The following KIAA0930 variants were observed in gnomAD, a reference collection of about 807,000 sequenced individuals.
KIAA0930 encodes KIAA0930.
KIAA0930 carries 24 observed loss-of-function variants against 43.9 expected under a neutral mutation model. The ratio of observed to expected loss-of-function variants is 0.55; its 90% CI spans 0.40 to 0.77. The LOEUF (loss-of-function observed/expected upper bound fraction) is 0.77, where lower values mean the gene tolerates loss of function less well. Among genes scored for constraint, KIAA0930 ranks in the 30% least tolerant of loss-of-function variants. The pLI is 0.00. For synonymous variants in KIAA0930, 259 were observed against 216.4 expected, an observed-to-expected ratio of 1.20 and a Z score of -1.73; for missense variants, 461 against 574.2, an observed-to-expected ratio of 0.80 and a Z score of 2.02.
chr22:45,236,228 G>A (rs11704685), intron 1 of KIAA0930: 55,118 of 152,302 alleles, frequency 0.36, 12,145 homozygotes, highest in South Asian at 0.5. Flanking sequence ...AAGGAAACGC[G>A]GCAGGTGTTA....
chr22:45,212,071 C>G lies in KIAA0930; in HGVS notation c.101G>C (p.Trp34Ser). ...CTCCATGAAGTAGGTGGAGAACATC[C>G]AAGTCCAGAAGACGATGCGGTCATC... ...FKDDRIVFWT[W>S]MFSTYFMEKW... The change falls in exon 2 of 10, where the codon TGG (tryptophan) becomes TCG (serine). Residue 34 changes from tryptophan (W) to serine (S), a missense_variant. Trp to Ser is a radical substitution (Grantham distance 177). Transcript: ENST00000336156. 1 of 1,613,940 alleles carries G rather than the reference C, an allele frequency of 6.2e-7. No individual in the cohort carries two copies. Among genetic ancestry groups the G allele is most frequent in the Admixed American group, 1.7e-5 (1 of 60,024 alleles).
chr22:45,224,684 G>T (rs1292943030), intron 1 of KIAA0930, among the ~76,000 whole-genome samples: 1 of 152,200 alleles, frequency 6.6e-6, no homozygotes, highest in African/African-American at 2.4e-5. Flanking sequence ...AGAAGGTGGT[G>T]GCTGGACAGG....
intron 2 of KIAA0930, among the ~76,000 whole-genome samples, chr22:45,209,978 C>T (rs1248034501): frequency 6.6e-6 from 1 of 152,176 alleles, no homozygotes; most frequent in Non-Finnish European, 1.5e-5. Flanking sequence ...TTCTGCTCCA[C>T]CCAAGATGGA....
At chr22:45,209,967 C>T (rs2280982) in intron 2 of KIAA0930, among the ~76,000 whole-genome samples, 40,182 of 151,964 alleles carry the variant, frequency 0.26, 5,769 homozygotes, top group Non-Finnish European at 0.32. Context: ...TCACCTTTAA[C>T]TTCTGCTCCA....
At chr22:45,216,861 C>T (rs773711844) in intron 1 of KIAA0930, among the ~76,000 whole-genome samples, 16 of 152,152 alleles carry the variant, frequency 1.1e-4, no homozygotes, top group African/African-American at 1.9e-4. Flanking sequence ...TCTGTGCTCA[C>T]GGCCCTGCCT....
intron 2 of KIAA0930, among the ~76,000 whole-genome samples, chr22:45,208,255 G>C (rs990487793): frequency 6.6e-6 from 1 of 151,890 alleles, no homozygotes; most frequent in Non-Finnish European, 1.5e-5. Flanking sequence ...TGCGGAGAAA[G>C]AAGCCTGAAA....
At chr22:45,222,108 T>C (rs1222585386) in intron 1 of KIAA0930, among the ~76,000 whole-genome samples, 1 of 152,176 alleles carries the variant, frequency 6.6e-6, no homozygotes, top group Admixed American at 6.5e-5. Context: ...TTGGTACAAG[T>C]GGCTTGCTGA....
At chr22:45,227,342 T>C (rs1456253387) in intron 1 of KIAA0930, among the ~76,000 whole-genome samples, 2 of 152,100 alleles carry the variant, frequency 1.3e-5, no homozygotes, top group African/African-American at 4.8e-5. Flanking sequence ...CTAGCCCTCC[T>C]CTACTCTGAC....
At chr22:45,230,974 G>A (rs977115756) in intron 1 of KIAA0930, among the ~76,000 whole-genome samples, 2 of 151,910 alleles carry the variant, frequency 1.3e-5, no homozygotes, top group African/African-American at 4.8e-5. Flanking sequence ...GGCTGGGCAC[G>A]GTGCCTCAAC....
At chr22:45,210,857 C>A (rs62231107) in intron 2 of KIAA0930, among the ~76,000 whole-genome samples, 19,272 of 89,108 alleles carry the variant, frequency 0.22, 1,392 homozygotes, top group East Asian at 0.38. Context: ...AAGGCCGCCA[C>A]CCCTCCCTGG....
At chr22:45,232,749 T>C (rs5766572) in intron 1 of KIAA0930, among the ~76,000 whole-genome samples, 54,282 of 152,038 alleles carry the variant, frequency 0.36, 11,806 homozygotes, top group South Asian at 0.5. Flanking sequence ...CCCAGGAGAA[T>C]GCCCATCCTG....
intron 2 of KIAA0930, 150 bp downstream of exon 2, chr22:45,211,806 G>A: frequency 1.2e-6 from 1 of 818,404 alleles, no homozygotes; most frequent in Non-Finnish European, 2.0e-6. Flanking sequence ...TGTCTACACA[G>A]TTCCTGGAAT....
intron 1 of KIAA0930, among the ~76,000 whole-genome samples, chr22:45,231,871 G>A (rs921289719): frequency 4.6e-5 from 7 of 152,092 alleles, no homozygotes; most frequent in Admixed American, 3.3e-4. Flanking sequence ...GGTGCCTGTA[G>A]TCCCAGCTAC....
Position 45,197,224 on chromosome 22 carries a change from C to G in KIAA0930, c.1175-8G>C. The G allele has an allele frequency of 6.5e-7, 1 of 1,549,874 alleles. No individual in the cohort carries two copies. Among genetic ancestry groups the G allele is most frequent in the Non-Finnish European group, 8.7e-7 (1 of 1,146,110 alleles). On this transcript the variant is annotated splice_polypyrimidine_tract_variant and splice_region_variant and intron_variant, in intron 9 of 9. Transcript: ENST00000336156. ...GCCGAACTTCCAGGATGTCTAGGGC[C>G]GGCAGGAGGGAAGCAGGTGAAACAG...
intron 1 of KIAA0930, among the ~76,000 whole-genome samples, chr22:45,220,082 T>C (rs182472031): frequency 4.5e-4 from 69 of 152,246 alleles, no homozygotes; most frequent in African/African-American, 1.6e-3. Context: ...ACAAAAATCT[T>C]AAAAATAGTA....
Position 45,196,964 on chromosome 22 carries a change from C to A in KIAA0930, c.*212G>T, listed in dbSNP as rs941888823. On this transcript the variant is annotated 3_prime_UTR_variant, in exon 10 of 10. Coordinates refer to ENST00000336156, the MANE Select transcript of KIAA0930 (RefSeq NM_001009880.2). The surrounding 1 kb of genome is among the most constrained non-coding windows in gnomAD (Gnocchi z 4.1). ...GGGGCGATGGGCGGGGGGCACAGGG[C>A]GGAGCAGCGCCAGCAGGGGAGGGAA... 1.9e-4 allele frequency: 102 copies of A among 534,552 alleles called. No homozygotes were observed. In the African/African-American group the frequency reaches 2.0e-3, roughly 10 times the overall value. 33.1% of individuals were successfully genotyped at this position (534,552 alleles called of 1,614,324 possible).
intron 1 of KIAA0930, among the ~76,000 whole-genome samples, chr22:45,220,923 T>C (rs1204526115): frequency 1.4e-5 from 2 of 148,128 alleles, no homozygotes; most frequent in Non-Finnish European, 3.0e-5. Context: ...GCTTCCACCT[T>C]GTGCTAAGCG....
At chr22:45,209,756 GCAC>G (rs1348855802) in intron 2 of KIAA0930, among the ~76,000 whole-genome samples, 7 of 152,180 alleles carry the variant, frequency 4.6e-5, no homozygotes, top group Non-Finnish European at 1.0e-4. Context: ...GGGGGCATCT[GCAC>G]ATGGCTCACA....
chr22:45,231,068 G>A (rs897005992), intron 1 of KIAA0930, among the ~76,000 whole-genome samples: 1 of 151,720 alleles, frequency 6.6e-6, no homozygotes, highest in African/African-American at 2.4e-5. Flanking sequence ...GACCAACATG[G>A]TGAAACCCCA....
Sources: allele counts gnomAD v4.1 joint callset (sites outside exome capture counted in the v4.1 genomes callset), GRCh38; gene constraint gnomAD v4.1.1; non-coding constraint Gnocchi (gnomAD v3.1); transcripts MANE v1.5; gene names NCBI Gene and HGNC (gene_info 2026-07-23, HGNC 2026-07-21).